The following PALD1 variants were observed in gnomAD, a reference collection of about 807,000 sequenced individuals.
PALD1 encodes the protein phosphatase domain containing paladin 1.
Under a neutral mutation model 96.0 loss-of-function variants are expected in PALD1, and 57 were observed. The observed-to-expected ratio is 0.59, with a 90% CI of 0.48 to 0.74. The LOEUF is 0.74. Ranked by LOEUF, PALD1 falls within the 30% of genes least tolerant of loss-of-function variation. PALD1 has a pLI of 0.00. For synonymous variants in PALD1, 464 were observed against 473.6 expected (o/e 0.98, Z 0.26); for missense variants, 1,063 against 1,143.7 (o/e 0.93, Z 1.02).
In PALD1 at chr10:70,564,374, C is replaced by A; in HGVS notation, c.2273C>A (p.Ala758Glu). ...TGTCCTGTCCTCCAGGCGAAGGCAG[C>A]GAAAGAGGCGCAAGAAATGCGGAGG... ...IICTYRQAKA[A>E]KEAQEMRRLQ... The change falls in exon 19 of 20, where the codon GCG becomes GAG. Residue 758 changes from alanine to glutamate, a missense_variant. Ala to Glu is a moderately radical substitution (Grantham distance 107). Coordinates refer to ENST00000263563, the MANE Select transcript of PALD1 (RefSeq NM_014431.3). 1 of 1,613,000 alleles carries A rather than the reference C, an allele frequency of 6.2e-7. No individual in the cohort carries two copies. The highest frequency in any genetic ancestry group is 8.5e-7 in the Non-Finnish European group (1 of 1,179,482).
chr10:70,479,579 A>G (rs943757784), intron 1 of PALD1, among the ~76,000 whole-genome samples: 2 of 152,222 alleles, frequency 1.3e-5, no homozygotes, highest in Non-Finnish European at 2.9e-5. Context: ...TACGTTTTTC[A>G]GTTTCAGAGG....
intron 18 of PALD1, among the ~76,000 whole-genome samples, chr10:70,553,998 A>C (rs1204640885): frequency 6.6e-6 from 1 of 152,132 alleles, no homozygotes; most frequent in Non-Finnish European, 1.5e-5. Context: ...CCTTCTCTCT[A>C]TGCCTGTCTC....
the PALD1 span, among the ~76,000 whole-genome samples, chr10:70,461,399 G>T: frequency 6.6e-6 from 1 of 152,216 alleles, no homozygotes; most frequent in Non-Finnish European, 1.5e-5. Context: ...GTTAATGTCT[G>T]CCACCCCCAC....
intron 10 of PALD1, among the ~76,000 whole-genome samples, chr10:70,536,181 G>A (rs1305957533): frequency 6.6e-6 from 1 of 152,220 alleles, no homozygotes; most frequent in South Asian, 2.1e-4. Flanking sequence ...GTGCCCAGTA[G>A]TACCAGCTAT....
Position 70,541,288 on chromosome 10 carries a change from G to T in PALD1, c.2049+46G>T, listed in dbSNP as rs759187060. ...GAGATTAGAGATTTGCCTGGAGGAG[G>T]GTAGACACTCAGGTCCCAGGCACAC... On this transcript the variant is annotated intron_variant, in intron 16 of 19. Transcript: ENST00000263563. 7.0e-6 allele frequency: 11 copies of T among 1,576,240 alleles called. No homozygotes were observed. The South Asian group carries it at 1.2e-4, about 17-fold the overall frequency.
At position 70,534,741 on chromosome 10, in the gene PALD1, G is replaced by A. The variant is rs371897335; in HGVS notation, c.1125G>A (p.Val375=). The change falls in exon 10 of 20, where the codon GTG becomes GTA. Residue 375 remains valine, a splice_region_variant and synonymous_variant. Coordinates refer to ENST00000263563, the MANE Select transcript of PALD1 (RefSeq NM_014431.3). ...CTTGCCTTGGTCTCTGGCACCAGGT[G>A]GACAGAGCCATCACTGCCTGTGCCG... ...VPQGRRMVEE[V]DRAITACAEL... is the part of the protein sequence containing the mutation. The A allele has an allele frequency of 3.0e-5, 48 of 1,600,716 alleles. No homozygotes were observed. The highest frequency in any genetic ancestry group is 3.8e-5 in the Non-Finnish European group (45 of 1,170,432).
the PALD1 span, among the ~76,000 whole-genome samples, chr10:70,469,102 C>T: frequency 4.2e-4 from 64 of 152,266 alleles, no homozygotes; most frequent in Non-Finnish European, 1.0e-4. Context: ...GAGCTGGCAT[C>T]GCTGGGGCCT....
rs1274825767 is a variant in PALD1 at position 70,547,334 on chromosome 10, C to G, written c.2150C>G (p.Pro717Arg). The change falls in exon 18 of 20, where the codon CCC becomes CGC. Residue 717 changes from proline (P) to arginine (R), a missense_variant. Coordinates refer to ENST00000263563, the MANE Select transcript of PALD1 (RefSeq NM_014431.3). Reference protein sequence around the residue: ...QVVMKVVQLLPDGHRVKKEVD... With the variant: ...QVVMKVVQLLRDGHRVKKEVD... ...GTAATGAAGGTGGTGCAGCTGCTACCCGATGGGCACCGTGTGAAGAAGGAG... is the reference window on the plus strand; with the variant it reads ...GTAATGAAGGTGGTGCAGCTGCTACGCGATGGGCACCGTGTGAAGAAGGAG... The G allele has an allele frequency of 4.3e-6, 7 of 1,613,348 alleles. No homozygotes were observed. The highest frequency in any genetic ancestry group is 5.9e-6 in the Non-Finnish European group (7 of 1,179,528).
the PALD1 span, among the ~76,000 whole-genome samples, chr10:70,467,099 A>G: frequency 1.3e-5 from 2 of 151,964 alleles, no homozygotes; most frequent in South Asian, 4.2e-4. Context: ...CTAAGTGTCA[A>G]ATGTCAGGTA....
At chr10:70,463,300 A>G in the PALD1 span, among the ~76,000 whole-genome samples, 1 of 152,130 alleles carries the variant, frequency 6.6e-6, no homozygotes, top group African/African-American at 2.4e-5. Context: ...GCTACCAGCT[A>G]CGGGGAGGCT....
chr10:70,469,884 C>T, the PALD1 span, among the ~76,000 whole-genome samples: 2 of 152,082 alleles, frequency 1.3e-5, no homozygotes, highest in Non-Finnish European at 2.9e-5. Context: ...ACCTCTGCCT[C>T]CTGAGTTCAA....
the PALD1 span, among the ~76,000 whole-genome samples, chr10:70,470,080 C>G: frequency 6.6e-6 from 1 of 152,326 alleles, no homozygotes; most frequent in Non-Finnish European, 1.5e-5. Context: ...AGGCATGAAC[C>G]ATTATGCCCG....
intron 1 of PALD1, among the ~76,000 whole-genome samples, chr10:70,524,300 G>A (rs1343151402): frequency 1.3e-4 from 20 of 152,166 alleles, no homozygotes; most frequent in Admixed American, 1.3e-3. Context: ...TGGCCACGGA[G>A]CTCCCAGAAA....
chr10:70,566,623 G>A lies in PALD1; in HGVS notation c.2461G>A (p.Gly821Ser), dbSNP rs767594933. The A allele has an allele frequency of 4.3e-6, 7 of 1,611,290 alleles. No individual in the cohort carries two copies. In the East Asian group the frequency reaches 1.3e-4, roughly 31 times the overall value. Residue 821 changes from glycine (G) to serine (S), a missense_variant, in exon 20 of 20, where the codon GGC becomes AGC. Coordinates refer to ENST00000263563, the MANE Select transcript of PALD1 (RefSeq NM_014431.3). ...AGIYEILNEL[G>S]FPELESGEDQ... is the part of the protein sequence containing the mutation. The stretch of plus-strand genomic sequence containing the variant: ...CATCTACGAGATCCTTAACGAGCTG[G>A]GCTTCCCCGAGCTGGAGAGCGGGGA...
intron 17 of PALD1, among the ~76,000 whole-genome samples, chr10:70,542,452 C>T (rs1472562599): frequency 2.0e-5 from 3 of 152,182 alleles, no homozygotes; most frequent in Non-Finnish European, 4.4e-5. Flanking sequence ...CATCCTCCCT[C>T]CCAGCAGCCC....
Position 70,534,417 on chromosome 10 carries a change from C to T in PALD1, c.1023-8C>T, listed in dbSNP as rs367839211. 2.5e-6 allele frequency: 4 copies of T among 1,598,078 alleles called. No homozygotes were observed. The highest frequency in any genetic ancestry group is 2.7e-5 in the African/African-American group (2 of 74,726). ...GAGCCTGCTAATGTACTGACCCTGCCTCGACAGGGCTGCCCCCACGCAGGC... is the reference window on the plus strand; with the variant it reads ...GAGCCTGCTAATGTACTGACCCTGCTTCGACAGGGCTGCCCCCACGCAGGC... On this transcript the variant is annotated splice_polypyrimidine_tract_variant and splice_region_variant and intron_variant, in intron 8 of 19. Transcript: ENST00000263563.
chr10:70,496,437 C>G (rs111706515), intron 1 of PALD1, among the ~76,000 whole-genome samples: 1 of 152,168 alleles, frequency 6.6e-6, no homozygotes, highest in Admixed American at 6.5e-5. Context: ...CCTGCCACCC[C>G]TGTAGGTGGT....
At chr10:70,508,842 C>A (rs1347171935) in intron 1 of PALD1, among the ~76,000 whole-genome samples, 1 of 22,362 alleles carries the variant, frequency 4.5e-5, no homozygotes, top group African/African-American at 2.1e-4. Context: ...AGCTGCGGAA[C>A]CTGTGTGTGT....
chr10:70,484,528 T>C (rs991313117), intron 1 of PALD1, among the ~76,000 whole-genome samples: 4 of 151,886 alleles, frequency 2.6e-5, no homozygotes, highest in Non-Finnish European at 4.4e-5. Flanking sequence ...CCCATTCTTT[T>C]ATTTTATTTT....
Sources: gnomAD v4.1 joint callset for allele counts (sites outside exome capture counted in the v4.1 genomes callset) on GRCh38, gnomAD v4.1.1 for gene constraint, MANE v1.5 for transcripts, NCBI Gene and HGNC (gene_info 2026-07-23, HGNC 2026-07-21) for gene names.